The following LTV1 variants were observed in gnomAD, a reference collection of about 807,000 sequenced individuals.
LTV1 encodes the protein protein LTV1 homolog.
A neutral mutation model predicts 59.9 loss-of-function variants in LTV1; 39 were observed. That is an observed-to-expected ratio of 0.65 (90% CI 0.50 to 0.85). The LOEUF is 0.85. Among genes scored for constraint, LTV1 ranks in the 40% least tolerant of loss-of-function variants. The probability of loss-of-function intolerance (pLI) is 0.00; values close to 1 mark genes in which losing one functional copy is unlikely to be tolerated. For missense variants in LTV1, 493 were observed against 549.1 expected, an observed-to-expected ratio of 0.90 and a Z score of 1.02; for synonymous variants, 171 against 189.5, an observed-to-expected ratio of 0.90 and a Z score of 0.80.
chr6:143,843,352 G>T lies in LTV1; in HGVS notation c.-126G>T. 1 of 1,186,560 alleles carries T rather than the reference G, an allele frequency of 8.4e-7. No homozygotes were observed. The highest frequency in any genetic ancestry group is 1.2e-6 in the Non-Finnish European group (1 of 803,872). The allele number at this position is 1,186,560 out of a possible 1,614,324, so 73.5% of individuals were successfully genotyped here. ...CGGCCGGCTGGGTGACGTTATCGCC[G>T]GGTCCTGGGGCTGCACGTGTGGTGA... On this transcript the variant is annotated 5_prime_UTR_variant, in exon 1 of 11. Coordinates refer to ENST00000367576, the MANE Select transcript of LTV1 (RefSeq NM_032860.5).
At position 143,863,105 on chromosome 6, in the gene LTV1, C is replaced by T; in HGVS notation, c.1136C>T (p.Ser379Phe). 6.2e-7 allele frequency: 1 copy of T among 1,613,744 alleles called. No homozygotes were observed. Among genetic ancestry groups the T allele is most frequent in the Non-Finnish European group, 8.5e-7 (1 of 1,179,794 alleles). ...TTTCAGCCCAAACAAATTCGAATAT[C>T]TTCTAAAACAGGAATACCTCTCAAT... ...YQPKPKQIRI[S>F]SKTGIPLNVL... is the part of the protein sequence containing the mutation. Residue 379 changes from serine (S) to phenylalanine (F), a missense_variant, in exon 10 of 11, where the codon TCT (serine) becomes TTT (phenylalanine). Transcript: ENST00000367576. This position sits in a 1 kb window ranked among gnomAD's most constrained non-coding sequence, Gnocchi z 4.5.
At chr6:143,851,505 A>T (rs1162225202) in intron 4 of LTV1, among the ~76,000 whole-genome samples, 2 of 152,192 alleles carry the variant, frequency 1.3e-5, no homozygotes, top group Non-Finnish European at 2.9e-5. Flanking sequence ...AAAGTTAAAC[A>T]TTATAGATGT....
chr6:143,857,584 G>A lies in LTV1; in HGVS notation c.539+140G>A. 1.8e-6 allele frequency: 2 copies of A among 1,097,206 alleles called. No individual in the cohort carries two copies. Among genetic ancestry groups the A allele is most frequent in the Non-Finnish European group, 1.3e-6 (1 of 747,008 alleles). 68.0% of individuals were successfully genotyped at this position (1,097,206 alleles called of 1,614,324 possible). A position where few individuals can be genotyped will look rare whatever the true frequency, so the allele number is the denominator to read the frequency against. On this transcript the variant is annotated intron_variant, in intron 5 of 10. Coordinates refer to ENST00000367576, the MANE Select transcript of LTV1 (RefSeq NM_032860.5). The surrounding 1 kb of genome is among the most constrained non-coding windows in gnomAD (Gnocchi z 5.2). The stretch of plus-strand genomic sequence containing the variant: ...ACTTCTGTATTTTAGAGCAGAAAAT[G>A]TGAGATTCATTGCTTTTCCTACCAA...
At chr6:143,849,703 A>T (rs962295255) in intron 3 of LTV1, among the ~76,000 whole-genome samples, 9 of 152,220 alleles carry the variant, frequency 5.9e-5, no homozygotes, top group Non-Finnish European at 1.2e-4. Context: ...ACCACAAACT[A>T]GGTGACTTAA....
chr6:143,850,809 C>T (rs972425157), intron 4 of LTV1, among the ~76,000 whole-genome samples: 6 of 152,146 alleles, frequency 3.9e-5, no homozygotes, highest in African/African-American at 7.2e-5. Context: ...GTCTGTGTGG[C>T]AGGGCCTTGG....
At chr6:143,854,541 G>T (rs1446394555) in intron 4 of LTV1, among the ~76,000 whole-genome samples, 1 of 152,090 alleles carries the variant, frequency 6.6e-6, no homozygotes, top group Non-Finnish European at 1.5e-5. Context: ...TGATGTTAGG[G>T]TGTCGATTTT....
At position 143,843,484 on chromosome 6, in the gene LTV1, A is replaced by AGCAAGCCTT; in HGVS notation, c.3+7_3+15dup. On this transcript the variant is annotated splice_donor_region_variant and intron_variant, in intron 1 of 10. Transcript: ENST00000367576. The stretch of plus-strand genomic sequence containing the variant: ...AGCGCCGCGCGGCTGCAGCATGGTG[A>AGCAAGCCTT]GCAAGCCTTGCTTGTTTCGGCGGCC... 1 of 1,613,498 alleles carries AGCAAGCCTT rather than the reference A, an allele frequency of 6.2e-7. No homozygotes were observed. Among genetic ancestry groups the AGCAAGCCTT allele is most frequent in the South Asian group, 1.1e-5 (1 of 91,054 alleles).
intron 2 of LTV1, 33 bp from the exon 3 acceptor site, chr6:143,846,018 G>C: frequency 6.2e-7 from 1 of 1,602,998 alleles, no homozygotes; most frequent in East Asian, 2.2e-5. Flanking sequence ...TTTATAGATA[G>C]TGAAGAAAGT....
At chr6:143,852,008 A>G (rs1181229224) in intron 4 of LTV1, among the ~76,000 whole-genome samples, 5 of 152,190 alleles carry the variant, frequency 3.3e-5, no homozygotes, top group Non-Finnish European at 7.3e-5. Context: ...AGTCTTTGCT[A>G]TTGTGAACAG....
intron 1 of LTV1, 137 bp from the exon 2 acceptor site, chr6:143,844,343 AGCTGAT>A: frequency 1.3e-6 from 1 of 796,568 alleles, no homozygotes; most frequent in Non-Finnish European, 2.0e-6. Flanking sequence ...TGCAGAACAC[AGCTGAT>A]GTTGCCTGCC....
chr6:143,862,018 C>A lies in LTV1; in HGVS notation c.924-86C>A. 1 of 1,329,886 alleles carries A rather than the reference C, an allele frequency of 7.5e-7. No individual in the cohort carries two copies. Among genetic ancestry groups the A allele is most frequent in the Non-Finnish European group, 1.0e-6 (1 of 961,470 alleles). The allele number at this position is 1,329,886 out of a possible 1,614,324, so 82.4% of individuals were successfully genotyped here. A position where few individuals can be genotyped will look rare whatever the true frequency, so the allele number is the denominator to read the frequency against. The stretch of plus-strand genomic sequence containing the variant: ...ATTTAAAACATTGGTTTTTCCACAG[C>A]TAAAAATTGCAGTTTTAGTGACATA... On this transcript the variant is annotated intron_variant, in intron 7 of 10. Coordinates refer to ENST00000367576, the MANE Select transcript of LTV1 (RefSeq NM_032860.5). The surrounding 1 kb of genome is among the most constrained non-coding windows in gnomAD (Gnocchi z 4.2).
rs200077113 is a variant in LTV1, at chr6:143,846,123, C to T, written c.208C>T (p.Gln70Ter). The change falls in exon 3 of 11, where the codon CAG (glutamine) becomes TAG (stop). Residue 70 changes from glutamine (Q) to a stop codon, truncating the protein, a stop_gained. Transcript: ENST00000367576. LOFTEE classifies it high-confidence loss of function. ...VFFDDDYDYL[Q>*]HLKEPSGPSE... ...CTTTGATGACGACTATGACTACCTGCAGCACCTGAAGGAACCATCTGGGCC... is the reference window on the plus strand; with the variant it reads ...CTTTGATGACGACTATGACTACCTGTAGCACCTGAAGGAACCATCTGGGCC... 1.1e-4 allele frequency: 180 copies of T among 1,614,102 alleles called. No homozygotes were observed. Among genetic ancestry groups the T allele is most frequent in the Non-Finnish European group, 1.5e-4 (175 of 1,180,030 alleles).
At chr6:143,847,899 A>T (rs1251354715) in intron 3 of LTV1, among the ~76,000 whole-genome samples, 1 of 152,250 alleles carries the variant, frequency 6.6e-6, no homozygotes, top group Non-Finnish European at 1.5e-5. Flanking sequence ...TAGATTAGAA[A>T]TAATGAATAA....
rs1396362478 is a variant in LTV1, at chr6:143,857,730, T to G, written c.540-22T>G. ...TTACTTTTTAAGTTGTTTTGGTAGG[T>G]AATTTATGACCTTTACTTTAGGAAA... On this transcript the variant is annotated intron_variant, in intron 5 of 10. Transcript: ENST00000367576. This position sits in a 1 kb window ranked among gnomAD's most constrained non-coding sequence, Gnocchi z 5.2. 6.2e-7 allele frequency: 1 copy of G among 1,612,082 alleles called. No individual in the cohort carries two copies. The highest frequency in any genetic ancestry group is 8.5e-7 in the Non-Finnish European group (1 of 1,178,468).
rs756301107 is a variant in LTV1, at chr6:143,843,467, G to A, written c.-11G>A. 1 of 1,613,368 alleles carries A rather than the reference G, an allele frequency of 6.2e-7. No individual in the cohort carries two copies. The highest frequency in any genetic ancestry group is 8.5e-7 in the Non-Finnish European group (1 of 1,179,964). On this transcript the variant is annotated 5_prime_UTR_variant, in exon 1 of 11. Coordinates refer to ENST00000367576, the MANE Select transcript of LTV1 (RefSeq NM_032860.5). ...CGCCCCTGTTGGGGGTGAGCGCCGCGCGGCTGCAGCATGGTGAGCAAGCCT... is the reference window on the plus strand; with the variant it reads ...CGCCCCTGTTGGGGGTGAGCGCCGCACGGCTGCAGCATGGTGAGCAAGCCT...
chr6:143,859,726 A>G (rs540927623), intron 6 of LTV1, among the ~76,000 whole-genome samples: 10 of 152,356 alleles, frequency 6.6e-5, no homozygotes, highest in Admixed American at 2.0e-4. Flanking sequence ...TATAGTAATT[A>G]TTGTCTAAAC....
At chr6:143,860,595 T>A (rs530386141) in intron 7 of LTV1, 42 bp downstream of exon 7, 176 of 1,532,890 alleles carry the variant, frequency 1.1e-4, no homozygotes, top group African/African-American at 6.0e-4. Flanking sequence ...TTCTTTTTTT[T>A]AAAAAAGAAA....
Position 143,857,957 on chromosome 6 carries a change from G to A in LTV1, c.745G>A (p.Val249Ile). 1 of 1,613,858 alleles carries A rather than the reference G, an allele frequency of 6.2e-7. No homozygotes were observed. Among genetic ancestry groups the A allele is most frequent in the Non-Finnish European group, 8.5e-7 (1 of 1,179,766 alleles). Residue 249 changes from valine to isoleucine, a missense_variant, in exon 6 of 11, where the codon GTC becomes ATC. Physicochemically the swap from Val to Ile is conservative, Grantham distance 29 (BLOSUM62 3). Coordinates refer to ENST00000367576, the MANE Select transcript of LTV1 (RefSeq NM_032860.5). This position sits in a 1 kb window ranked among gnomAD's most constrained non-coding sequence, Gnocchi z 5.2. ...RFTEYSMTSS[V>I]MRRNEQLTLH... ...CACGGAGTATTCGATGACTTCCTCA[G>A]TCATGAGGAGAAATGAACAGCTGAC... is the stretch of plus-strand genomic sequence containing the variant.
intron 4 of LTV1, among the ~76,000 whole-genome samples, chr6:143,850,740 A>G (rs977870009): frequency 4.5e-4 from 69 of 152,342 alleles, no homozygotes; most frequent in Middle Eastern, 3.4e-3. Flanking sequence ...ATTATTAACT[A>G]ACACCTGTCC....
Sources: gnomAD v4.1 joint callset for allele counts (sites outside exome capture counted in the v4.1 genomes callset) on GRCh38, gnomAD v4.1.1 for gene constraint, Gnocchi (gnomAD v3.1) non-coding constraint, MANE v1.5 for transcripts, NCBI Gene and HGNC (gene_info 2026-07-23, HGNC 2026-07-21) for gene names.